The following CCDC62 variants were observed in gnomAD, a reference collection of about 807,000 sequenced individuals.
CCDC62 encodes coiled-coil domain containing 62.
CCDC62 carries 72 observed loss-of-function variants against 80.8 expected under a neutral mutation model. The observed-to-expected ratio is 0.89, with a 90% CI of 0.74 to 1.08. The LOEUF (loss-of-function observed/expected upper bound fraction) is 1.08, where lower values mean the gene tolerates loss of function less well. CCDC62 is among the 50% of genes least tolerant of loss of function. CCDC62 has a pLI of 0.00. For missense variants in CCDC62, 704 were observed against 809.4 expected (o/e 0.87, Z 1.58); for synonymous variants, 286 against 296.5 (o/e 0.96, Z 0.36).
At chr12:122,815,625 T>C (rs1466236442) in intron 11 of CCDC62, among the ~76,000 whole-genome samples, 3 of 151,932 alleles carry the variant, frequency 2.0e-5, no homozygotes, top group Admixed American at 2.0e-4. Context: ...TTTTTGCATT[T>C]TTTGGTAGAG....
chr12:122,788,786 A>G lies in CCDC62; in HGVS notation c.527A>G (p.His176Arg), dbSNP rs750658685. The change falls in exon 5 of 13, where the codon CAC becomes CGC. Residue 176 changes from histidine to arginine, a missense_variant. His to Arg is a conservative substitution (Grantham distance 29). Transcript: ENST00000253079. ...KDKDIIEAVN[H>R]IADCSGKFKM... is the part of the protein sequence containing the mutation. The stretch of plus-strand genomic sequence containing the variant: ...AAAGATATTATTGAGGCAGTTAATC[A>G]CATTGCAGATTGTTCGGGTAAATTT... 111 of 1,584,402 alleles carry G rather than the reference A, an allele frequency of 7.0e-5. 1 individual carries two copies. The South Asian group carries it at 1.1e-3, about 16-fold the overall frequency.
chr12:122,825,993 CAAAAAAAAAA>C (rs61129769), intron 12 of CCDC62, among the ~76,000 whole-genome samples: 1 of 110,368 alleles, frequency 9.1e-6, no homozygotes, highest in South Asian at 3.1e-4. Flanking sequence ...AACTCCGTCT[CAAAAAAAAAA>C]AAAAAAAAAA....
rs36059141 is a variant in CCDC62, at chr12:122,775,093, CAAAAAAA to C, written c.36+404_36+410del. ...TGGGCGACAGAGCGAGACTCCGTCT[CAAAAAAA>C]AAAAAAAAAAAAAAAAGTGAAACAA... On this transcript the variant is annotated intron_variant, in intron 1 of 12. Transcript: ENST00000253079. 1.5e-4 allele frequency among the ~76,000 whole-genome samples: 9 copies of C among 60,498 alleles called. No homozygotes were observed. The East Asian group carries it at 2.1e-3, about 14-fold the overall frequency. The allele number at this position is 60,498 out of a possible 152,430, so 39.7% of individuals were successfully genotyped here.
chr12:122,806,593 C>T (rs574374843), intron 10 of CCDC62, among the ~76,000 whole-genome samples: 43 of 151,958 alleles, frequency 2.8e-4, no homozygotes, highest in Non-Finnish European at 6.0e-4. Context: ...ATCCTCCTGC[C>T]TCAGCCTTCC....
chr12:122,806,407 T>G (rs944139194), intron 10 of CCDC62, 112 bp downstream of exon 10: 9 of 63,474 alleles, frequency 1.4e-4, no homozygotes, highest in Non-Finnish European at 2.3e-4. Context: ...TTCCTCCGTT[T>G]TTTTTTTTTT....
intron 6 of CCDC62, 63 bp downstream of exon 6, chr12:122,792,184 T>A: frequency 1.0e-6 from 1 of 982,596 alleles, no homozygotes; most frequent in Non-Finnish European, 1.6e-6. Flanking sequence ...CTGAAGGAAT[T>A]ATACCTCTCC....
chr12:122,804,937 T>C (rs2031505390), intron 9 of CCDC62, among the ~76,000 whole-genome samples: 1 of 147,576 alleles, frequency 6.8e-6, no homozygotes, highest in Non-Finnish European at 1.5e-5. Context: ...CAGCCTGGAG[T>C]GCAATGGCAC....
intron 10 of CCDC62, among the ~76,000 whole-genome samples, chr12:122,810,364 T>G (rs1009480103): frequency 2.6e-5 from 4 of 152,148 alleles, no homozygotes; most frequent in African/African-American, 9.7e-5. Flanking sequence ...GCGAAGGATA[T>G]GAATAGACAC....
At chr12:122,798,768 C>T (rs988552649) in intron 8 of CCDC62, among the ~76,000 whole-genome samples, 1 of 150,090 alleles carries the variant, frequency 6.7e-6, no homozygotes, top group Non-Finnish European at 1.5e-5. Flanking sequence ...GTGACAAGAG[C>T]CAAACTCCGT....
At chr12:122,782,175 AAAC>A (rs1018780272) in intron 3 of CCDC62, among the ~76,000 whole-genome samples, 3 of 152,166 alleles carry the variant, frequency 2.0e-5, no homozygotes, top group Non-Finnish European at 4.4e-5. Flanking sequence ...TCTCAACAAA[AAAC>A]AACAACAGCA....
chr12:122,798,267 A>T, intron 8 of CCDC62, 67 bp downstream of exon 8: 1 of 825,014 alleles, frequency 1.2e-6, no homozygotes, highest in Non-Finnish European at 2.1e-6. Flanking sequence ...TTTACTGCGC[A>T]CTTACTGTTG....
At chr12:122,804,882 A>ATT (rs35218710) in intron 9 of CCDC62, among the ~76,000 whole-genome samples, 2 of 104,522 alleles carry the variant, frequency 1.9e-5, no homozygotes, top group East Asian at 2.7e-4. Context: ...ACTTGGTTCC[A>ATT]TTTTTTTTTT....
At chr12:122,825,867 C>T (rs991662611) in intron 12 of CCDC62, among the ~76,000 whole-genome samples, 10 of 150,600 alleles carry the variant, frequency 6.6e-5, no homozygotes, top group South Asian at 4.2e-4. Context: ...GAGGCGCATG[C>T]CTGTAATCCC....
chr12:122,820,918 C>G lies in CCDC62; in HGVS notation c.2002-2448C>G, dbSNP rs115258379. Among the ~76,000 whole-genome samples, 905 of 151,780 alleles carry G rather than the reference C, an allele frequency of 6.0e-3. 11 individuals are homozygous for G. The highest frequency in any genetic ancestry group is 0.021 in the African/African-American group (867 of 41,356). ...AGAGGAAGCAGCATGAGTAAAAGCACAGAGGACTGGAAGCACCCTTGGGTG... is the reference window on the plus strand; with the variant it reads ...AGAGGAAGCAGCATGAGTAAAAGCAGAGAGGACTGGAAGCACCCTTGGGTG... On this transcript the variant is annotated intron_variant, in intron 11 of 12. Coordinates refer to ENST00000253079, the MANE Select transcript of CCDC62 (RefSeq NM_201435.5).
chr12:122,805,033 C>T (rs535465795), intron 9 of CCDC62, among the ~76,000 whole-genome samples: 24 of 151,054 alleles, frequency 1.6e-4, no homozygotes, highest in Non-Finnish European at 3.0e-4. Flanking sequence ...TACAGGCGCG[C>T]GCCACCATGC....
chr12:122,793,295 A>C (rs1262212841), intron 6 of CCDC62, among the ~76,000 whole-genome samples: 1 of 152,082 alleles, frequency 6.6e-6, no homozygotes, highest in Non-Finnish European at 1.5e-5. Context: ...GTAGACCAAA[A>C]AGTGTTCATA....
At chr12:122,780,676 T>C (rs1879802392) in intron 2 of CCDC62, among the ~76,000 whole-genome samples, 1 of 143,344 alleles carries the variant, frequency 7.0e-6, no homozygotes, top group Non-Finnish European at 1.5e-5. Flanking sequence ...AAATAAAAAA[T>C]AGAAATAAGC....
chr12:122,806,283 A>C lies in CCDC62; in HGVS notation c.1839A>C (p.Ala613=). The C allele has an allele frequency of 6.2e-7, 1 of 1,609,658 alleles. No individual in the cohort carries two copies. The highest frequency in any genetic ancestry group is 1.7e-4 in the Middle Eastern group (1 of 6,036). ...TGTTAATCTACAAAGATGCACCAGC[A>C]TTCAATGAAAAGGTTCGTATTTTGC... ...TSLLIYKDAP[A]FNEKASIVLP... Residue 613 remains alanine (A), a synonymous_variant, in exon 10 of 13, where the codon GCA becomes GCC. Coordinates refer to ENST00000253079, the MANE Select transcript of CCDC62 (RefSeq NM_201435.5).
intron 4 of CCDC62, among the ~76,000 whole-genome samples, chr12:122,787,170 G>A (rs188695692): frequency 2.0e-4 from 30 of 150,898 alleles, no homozygotes; most frequent in Non-Finnish European, 3.1e-4. Flanking sequence ...CCTGGAGGCC[G>A]GGTGCCGTGG....
Sources: allele counts gnomAD v4.1 joint callset (sites outside exome capture counted in the v4.1 genomes callset), GRCh38; gene constraint gnomAD v4.1.1; transcripts MANE v1.5; gene names NCBI Gene and HGNC (gene_info 2026-07-23, HGNC 2026-07-21).